PDE11A: variants seen among roughly 807,000 people sequenced by gnomAD.
PDE11A encodes dual 3',5'-cyclic-AMP and -GMP phosphodiesterase 11A.
Under a neutral mutation model 100.5 loss-of-function variants are expected in PDE11A, and 100 were observed. The observed-to-expected ratio is 1.00, with a 90% CI of 0.85 to 1.18. The LOEUF (loss-of-function observed/expected upper bound fraction) is 1.18, where lower values mean the gene tolerates loss of function less well. Among genes scored for constraint, PDE11A ranks in the 50% most tolerant of loss-of-function variants. The pLI is 0.00. For missense variants in PDE11A, 1,141 were observed against 1,152.6 expected (o/e 0.99, Z 0.15); for synonymous variants, 381 against 420.8 (o/e 0.91, Z 1.16).
chr2:177,699,673 C>G (rs962360425), intron 14 of PDE11A, among the ~76,000 whole-genome samples: 1 of 152,130 alleles, frequency 6.6e-6, no homozygotes, highest in Admixed American at 6.5e-5. Flanking sequence ...GGCAAACTTC[C>G]TCAAGCTATC....
intron 5 of PDE11A, among the ~76,000 whole-genome samples, chr2:177,853,680 A>ATATGTGTGTGTG (rs2083766252): frequency 2.7e-5 from 1 of 36,532 alleles, no homozygotes; most frequent in Non-Finnish European, 5.2e-5. Context: ...ATATATATAT[A>ATATGTGTGTGTG]TGTGTGTGTG....
intron 2 of PDE11A, among the ~76,000 whole-genome samples, chr2:177,958,077 C>T (rs2085588829): frequency 6.6e-6 from 1 of 151,736 alleles, no homozygotes; most frequent in Non-Finnish European, 1.5e-5. Flanking sequence ...TTTTAGTAGA[C>T]ACGGGGTTTC....
Position 177,782,941 on chromosome 2 carries a change from A to T in PDE11A, c.1738-13568T>A, listed in dbSNP as rs987569265. The stretch of plus-strand genomic sequence containing the variant: ...TGCATCAAAACAAACAAACAAACAA[A>T]CAAACAAACAAGCACCCTCTCATGA... On this transcript the variant is annotated intron_variant, in intron 9 of 19. Coordinates refer to ENST00000286063, the MANE Select transcript of PDE11A (RefSeq NM_016953.4). Among the ~76,000 whole-genome samples, 3 of 152,078 alleles carry T rather than the reference A, an allele frequency of 2.0e-5. No individual in the cohort carries two copies. The South Asian group carries it at 6.2e-4, about 32-fold the overall frequency.
intron 14 of PDE11A, among the ~76,000 whole-genome samples, chr2:177,700,533 A>G (rs2081182205): frequency 6.6e-6 from 1 of 152,224 alleles, no homozygotes; most frequent in Non-Finnish European, 1.5e-5. Context: ...CTAAAAGTAT[A>G]AAATTCCAAC....
intron 1 of PDE11A, among the ~76,000 whole-genome samples, chr2:178,048,635 T>A (rs911280448): frequency 6.6e-6 from 1 of 152,126 alleles, no homozygotes; most frequent in Non-Finnish European, 1.5e-5. Context: ...CTTCAGTTCC[T>A]CGATGCTGTA....
chr2:177,651,887 C>G (rs1282083346), intron 19 of PDE11A, among the ~76,000 whole-genome samples: 3 of 152,076 alleles, frequency 2.0e-5, no homozygotes, highest in Admixed American at 1.3e-4. Flanking sequence ...TTGTGAGCAG[C>G]AAGTATACCC....
chr2:177,825,507 A>C (rs898661742), intron 6 of PDE11A, among the ~76,000 whole-genome samples: 8 of 152,312 alleles, frequency 5.3e-5, no homozygotes, highest in Admixed American at 4.6e-4. Flanking sequence ...TTTTTTCTGG[A>C]AAACTGTGCT....
At chr2:177,793,395 C>T (rs2082658909) in intron 9 of PDE11A, among the ~76,000 whole-genome samples, 1 of 152,008 alleles carries the variant, frequency 6.6e-6, no homozygotes, top group Non-Finnish European at 1.5e-5. Flanking sequence ...TAAATGGATT[C>T]ATATTACATG....
chr2:177,912,212 T>G (rs1433859729), intron 2 of PDE11A, among the ~76,000 whole-genome samples: 2 of 152,076 alleles, frequency 1.3e-5, no homozygotes, highest in Admixed American at 1.3e-4. Context: ...TCCTCATCAC[T>G]CTTCTTCCAT....
At chr2:177,686,373 C>A (rs1218820390) in intron 15 of PDE11A, among the ~76,000 whole-genome samples, 6 of 152,080 alleles carry the variant, frequency 3.9e-5, no homozygotes, top group Admixed American at 6.6e-5. Flanking sequence ...TGGAGACCAG[C>A]CTTAGCAACA....
chr2:177,838,962 C>A (rs948190583), intron 6 of PDE11A, among the ~76,000 whole-genome samples: 4 of 152,132 alleles, frequency 2.6e-5, no homozygotes, highest in Non-Finnish European at 4.4e-5. Flanking sequence ...TGGAAAGGCA[C>A]CCAACGCAGA....
chr2:177,775,860 G>C (rs1298844605), intron 9 of PDE11A, among the ~76,000 whole-genome samples: 1 of 152,096 alleles, frequency 6.6e-6, no homozygotes, highest in East Asian at 1.9e-4. Flanking sequence ...CACAATTGGA[G>C]TTGCCTGTTA....
intron 19 of PDE11A, among the ~76,000 whole-genome samples, chr2:177,654,972 A>G (rs888284148): frequency 1.3e-5 from 2 of 152,216 alleles, no homozygotes; most frequent in African/African-American, 2.4e-5. Context: ...GGAAGAGAAC[A>G]TTCCAAGCCT....
At chr2:177,767,274 A>T (rs1355318493) in intron 10 of PDE11A, among the ~76,000 whole-genome samples, 3 of 152,108 alleles carry the variant, frequency 2.0e-5, no homozygotes, top group Non-Finnish European at 4.4e-5. Context: ...AGGTTGCAGT[A>T]AGCTGAGACT....
At chr2:177,820,347 T>G (rs771257629) in intron 6 of PDE11A, 52 bp from the exon 7 acceptor site, 1 of 1,024,454 alleles carries the variant, frequency 9.8e-7, no homozygotes. Flanking sequence ...TATTCATTTT[T>G]GATTTACATT....
At position 177,641,075 on chromosome 2, in the gene PDE11A, C is replaced by T. The variant is rs184829630; in HGVS notation, c.2647-11513G>A. On this transcript the variant is annotated intron_variant, in intron 19 of 19. Coordinates refer to ENST00000286063, the MANE Select transcript of PDE11A (RefSeq NM_016953.4). Reference sequence around the variant, plus strand: ...CAGCCTTCCTCTGCCACTGTCCAATCGGTACTCCATATGGAAGCCACCATG... The same window carrying T: ...CAGCCTTCCTCTGCCACTGTCCAATTGGTACTCCATATGGAAGCCACCATG... Among the ~76,000 whole-genome samples the T allele has an allele frequency of 1.0e-3, 153 of 152,288 alleles. 3 individuals carry two copies. The highest frequency in any genetic ancestry group is 3.6e-3 in the African/African-American group (149 of 41,564).
chr2:177,631,647 ATG>A (rs1351984895), intron 19 of PDE11A, among the ~76,000 whole-genome samples: 1 of 137,596 alleles, frequency 7.3e-6, no homozygotes, highest in Non-Finnish European at 1.5e-5. Context: ...ATACATATAT[ATG>A]TGTGTGTATA....
intron 5 of PDE11A, among the ~76,000 whole-genome samples, chr2:177,850,165 T>C (rs1473358538): frequency 6.6e-6 from 1 of 152,184 alleles, no homozygotes; most frequent in Admixed American, 6.5e-5. Context: ...CAAAACAGCA[T>C]GGTACTGGTA....
chr2:177,752,458 A>G (rs2082037763), intron 10 of PDE11A, among the ~76,000 whole-genome samples: 1 of 152,196 alleles, frequency 6.6e-6, no homozygotes, highest in Non-Finnish European at 1.5e-5. Flanking sequence ...CATCCATAAA[A>G]TGAGGTAATA....
Sources: gnomAD v4.1 joint callset for allele counts (sites outside exome capture counted in the v4.1 genomes callset) on GRCh38, gnomAD v4.1.1 for gene constraint, MANE v1.5 for transcripts, NCBI Gene and HGNC (gene_info 2026-07-23, HGNC 2026-07-21) for gene names.